PLXNA4: variants seen among roughly 807,000 people sequenced by gnomAD.
PLXNA4 encodes the protein plexin A4.
A neutral mutation model predicts 191.8 loss-of-function variants in PLXNA4; 44 were observed. The observed-to-expected ratio is 0.23, with a 90% CI of 0.18 to 0.29. PLXNA4 has a LOEUF of 0.29. Among genes scored for constraint, PLXNA4 ranks in the 10% least tolerant of loss-of-function variants. PLXNA4 has a pLI of 1.00. For missense variants in PLXNA4, 1,800 were observed against 2,488.8 expected (o/e 0.72, Z 5.89); for synonymous variants, 1,082 against 1,009.5 (o/e 1.07, Z -1.36).
chr7:132,527,596 C>T (rs887472136), intron 1 of PLXNA4, among the ~76,000 whole-genome samples: 9 of 145,746 alleles, frequency 6.2e-5, no homozygotes, highest in Middle Eastern at 3.7e-3. Flanking sequence ...CTCTAGTGAA[C>T]GGACTAACAA....
intron 1 of PLXNA4, among the ~76,000 whole-genome samples, chr7:132,562,989 C>T (rs1563175163): frequency 1.5e-5 from 1 of 68,778 alleles, no homozygotes; most frequent in African/African-American, 9.4e-5. Flanking sequence ...CCTCCTTCTC[C>T]TCCTCCTCCT....
intron 3 of PLXNA4, chr7:132,385,214 G>A (rs1563069865): frequency 4.3e-6 from 7 of 1,614,058 alleles, no homozygotes; most frequent in Middle Eastern, 1.6e-4. Flanking sequence ...CTGGAGAACA[G>A]GAGTTCCAGA....
chr7:132,144,220 C>T (rs552052559), intron 29 of PLXNA4, among the ~76,000 whole-genome samples: 2 of 152,194 alleles, frequency 1.3e-5, no homozygotes, highest in Non-Finnish European at 2.9e-5. Flanking sequence ...GATAAGCCAG[C>T]TTTGCCTCAG....
chr7:132,325,849 T>G (rs182698536), intron 3 of PLXNA4, among the ~76,000 whole-genome samples: 27 of 152,198 alleles, frequency 1.8e-4, no homozygotes, highest in African/African-American at 6.3e-4. Flanking sequence ...CAGGGAGACG[T>G]GTAAAGGCAA....
intron 1 of PLXNA4, among the ~76,000 whole-genome samples, chr7:132,523,587 T>C (rs1474950584): frequency 6.6e-6 from 1 of 152,128 alleles, no homozygotes; most frequent in South Asian, 2.1e-4. Flanking sequence ...GGAAAAGCCA[T>C]GAAAAACTTC....
At chr7:132,263,849 C>T (rs765125710) in intron 4 of PLXNA4, among the ~76,000 whole-genome samples, 3 of 152,138 alleles carry the variant, frequency 2.0e-5, no homozygotes, top group Non-Finnish European at 2.9e-5. Context: ...TGTGGAAAAT[C>T]GCTTGGGAAA....
intron 24 of PLXNA4, among the ~76,000 whole-genome samples, chr7:132,161,858 C>G (rs2116637573): frequency 6.6e-6 from 1 of 152,262 alleles, no homozygotes; most frequent in Non-Finnish European, 1.5e-5. Context: ...ACCCAGTGCT[C>G]TAGTGGGCTT....
chr7:132,537,723 C>T (rs1466358507), intron 1 of PLXNA4, among the ~76,000 whole-genome samples: 2 of 152,172 alleles, frequency 1.3e-5, no homozygotes, highest in Admixed American at 6.5e-5. Context: ...GCCAGGCCCT[C>T]TGAGAGTGAG....
intron 30 of PLXNA4, among the ~76,000 whole-genome samples, chr7:132,135,799 C>T (rs1410488240): frequency 2.0e-5 from 3 of 152,086 alleles, no homozygotes; most frequent in Non-Finnish European, 4.4e-5. Flanking sequence ...AACACATCAT[C>T]CTCTCTCTCA....
chr7:132,530,007 C>T (rs964885452), intron 1 of PLXNA4, among the ~76,000 whole-genome samples: 4 of 152,146 alleles, frequency 2.6e-5, no homozygotes, highest in Non-Finnish European at 4.4e-5. Flanking sequence ...TTCAAAATCA[C>T]GCATCTGCTG....
chr7:132,144,784 G>A (rs1392257769), intron 29 of PLXNA4, among the ~76,000 whole-genome samples: 1 of 152,222 alleles, frequency 6.6e-6, no homozygotes, highest in Non-Finnish European at 1.5e-5. Context: ...CAGGCACCCA[G>A]GAGGTACTTG....
At chr7:132,504,274 TC>T (rs1315596398) in intron 2 of PLXNA4, among the ~76,000 whole-genome samples, 3 of 152,230 alleles carry the variant, frequency 2.0e-5, no homozygotes, top group Non-Finnish European at 2.9e-5. Flanking sequence ...CTGTGGATGC[TC>T]CCTGGCACAA....
rs187341739 is a variant in PLXNA4, at chr7:132,630,655, G to A, written c.-87+15273C>T. 2.7e-4 allele frequency among the ~76,000 whole-genome samples: 41 copies of A among 152,230 alleles called. No individual in the cohort carries two copies. The East Asian group carries it at 7.0e-3, about 26-fold the overall frequency. On this transcript the variant is annotated intron_variant, in intron 2 of 4. Coordinates refer to the PLXNA4 transcript ENST00000378539. Reference sequence around the variant, plus strand: ...GCCTCCCAAGTAGCTGGGACTACAGGCGTCTGCCACCACACCCGGCTAATT... The same window carrying A: ...GCCTCCCAAGTAGCTGGGACTACAGACGTCTGCCACCACACCCGGCTAATT...
chr7:132,268,877 C>T (rs772412828), intron 4 of PLXNA4, among the ~76,000 whole-genome samples: 5 of 152,180 alleles, frequency 3.3e-5, no homozygotes, highest in Admixed American at 1.3e-4. Context: ...CTGAGTCCCA[C>T]TTATTGATGT....
At chr7:132,278,964 G>A (rs545468427) in intron 4 of PLXNA4, among the ~76,000 whole-genome samples, 3 of 152,322 alleles carry the variant, frequency 2.0e-5, no homozygotes, top group African/African-American at 7.2e-5. Context: ...GAGGTTGATC[G>A]TGACTCGGCT....
At chr7:132,138,125 T>G (rs963435047) in intron 30 of PLXNA4, among the ~76,000 whole-genome samples, 1 of 152,186 alleles carries the variant, frequency 6.6e-6, no homozygotes, top group Non-Finnish European at 1.5e-5. Context: ...ATTTATATGC[T>G]TCCCTTTTTC....
At position 132,272,307 on chromosome 7, in the gene PLXNA4, A is replaced by G. The variant is rs567455039; in HGVS notation, c.1503+25784T>C. On this transcript the variant is annotated intron_variant, in intron 4 of 31. Transcript: ENST00000321063. ...CATTAATTTTGATGGAGCTATTCAA[A>G]TCATAGCTTTACAAGTACATTACAA... is the stretch of plus-strand genomic sequence containing the variant. Among the ~76,000 whole-genome samples, 255 of 152,332 alleles carry G rather than the reference A, an allele frequency of 1.7e-3. 2 individuals are homozygous for G. The highest frequency in any genetic ancestry group is 5.9e-3 in the African/African-American group (246 of 41,570).
intron 3 of PLXNA4, among the ~76,000 whole-genome samples, chr7:132,471,081 T>A (rs1414281002): frequency 6.6e-6 from 1 of 152,054 alleles, no homozygotes; most frequent in East Asian, 1.9e-4. Context: ...CTTGGTGCGG[T>A]TTTTGTGATA....
chr7:132,389,202 C>T (rs1373114649), intron 3 of PLXNA4, among the ~76,000 whole-genome samples: 4 of 152,052 alleles, frequency 2.6e-5, no homozygotes, highest in Admixed American at 2.6e-4. Flanking sequence ...ATATTTTCTC[C>T]CATTCTGTAG....
Sources: gnomAD v4.1 joint callset for allele counts (sites outside exome capture counted in the v4.1 genomes callset) on GRCh38, gnomAD v4.1.1 for gene constraint, MANE v1.5 for transcripts, NCBI Gene and HGNC (gene_info 2026-07-23, HGNC 2026-07-21) for gene names.